Variants in FOXP1 observed in about 807,000 individuals in gnomAD.
FOXP1 encodes forkhead box P1, also known as forkhead box protein P1.
FOXP1 carries 15 observed loss-of-function variants against 98.2 expected under a neutral mutation model. The observed-to-expected ratio is 0.15, with a 90% CI of 0.10 to 0.24. FOXP1 has a LOEUF of 0.24. FOXP1 is among the 10% of genes least tolerant of loss of function. The pLI, the probability that FOXP1 is intolerant of heterozygous loss-of-function variation, is 1.00. For missense variants in FOXP1, 633 were observed against 848.5 expected, an observed-to-expected ratio of 0.75 and a Z score of 3.15; for synonymous variants, 371 against 314.5, an observed-to-expected ratio of 1.18 and a Z score of -1.90.
intron 7 of FOXP1, among the ~76,000 whole-genome samples, chr3:71,084,812 C>A (rs924237441): frequency 1.3e-5 from 2 of 152,098 alleles, no homozygotes; most frequent in Non-Finnish European, 2.9e-5. Flanking sequence ...GTGGGGGAAT[C>A]GCTGGAGCCC....
intron 7 of FOXP1, among the ~76,000 whole-genome samples, chr3:71,106,068 G>A (rs1325049730): frequency 6.6e-6 from 1 of 152,162 alleles, no homozygotes; most frequent in African/African-American, 2.4e-5. Context: ...TCCTGGTGCT[G>A]TTACTACCTT....
At chr3:71,509,156 A>G (rs777605575) in intron 2 of FOXP1, among the ~76,000 whole-genome samples, 15 of 152,240 alleles carry the variant, frequency 9.9e-5, no homozygotes, top group Non-Finnish European at 1.8e-4. Context: ...ATAGAGATGA[A>G]GCATGCCCTT....
At chr3:71,203,255 C>A (rs1381749188) in intron 5 of FOXP1, among the ~76,000 whole-genome samples, 2 of 152,146 alleles carry the variant, frequency 1.3e-5, no homozygotes, top group Non-Finnish European at 2.9e-5. Flanking sequence ...GTCAAAAAGC[C>A]TAAAGAAGCC....
At chr3:71,415,106 C>G (rs1388436544) in intron 3 of FOXP1, among the ~76,000 whole-genome samples, 1 of 152,192 alleles carries the variant, frequency 6.6e-6, no homozygotes, top group Non-Finnish European at 1.5e-5. Flanking sequence ...CTCCTCCACA[C>G]GGGCATTCTG....
chr3:71,552,085 T>C (rs1460301171), intron 2 of FOXP1, among the ~76,000 whole-genome samples: 2 of 152,110 alleles, frequency 1.3e-5, no homozygotes, highest in Non-Finnish European at 2.9e-5. Flanking sequence ...AAAATCCACC[T>C]TCAACAGAAT....
At chr3:71,373,978 T>C (rs1233148901) in intron 3 of FOXP1, among the ~76,000 whole-genome samples, 2 of 152,192 alleles carry the variant, frequency 1.3e-5, no homozygotes, top group African/African-American at 2.4e-5. Context: ...TACCTGTTAC[T>C]CTTGACAAGT....
intron 6 of FOXP1, among the ~76,000 whole-genome samples, chr3:71,135,479 G>A (rs926012370): frequency 7.9e-5 from 12 of 152,056 alleles, no homozygotes; most frequent in African/African-American, 1.2e-4. Context: ...AGTTCTAAGC[G>A]GTGAGTGCCT....
intron 5 of FOXP1, among the ~76,000 whole-genome samples, chr3:71,223,049 G>A (rs1397815438): frequency 6.6e-6 from 1 of 151,960 alleles, no homozygotes; most frequent in Non-Finnish European, 1.5e-5. Flanking sequence ...TCTTTCTCCT[G>A]AAATCCTCAA....
At chr3:71,303,515 T>C (rs1334375930) in intron 4 of FOXP1, among the ~76,000 whole-genome samples, 2 of 152,210 alleles carry the variant, frequency 1.3e-5, no homozygotes, top group African/African-American at 2.4e-5. Context: ...TCCAAGAGTT[T>C]GCTGCCTCTT....
At chr3:71,008,462 T>C (rs2043086389) in intron 12 of FOXP1, among the ~76,000 whole-genome samples, 1 of 152,172 alleles carries the variant, frequency 6.6e-6, no homozygotes, top group Non-Finnish European at 1.5e-5. Flanking sequence ...GTTTTTCTGT[T>C]ATCGGAGGAT....
intron 6 of FOXP1, among the ~76,000 whole-genome samples, chr3:71,177,260 C>T (rs1004232859): frequency 5.9e-5 from 9 of 152,074 alleles, no homozygotes; most frequent in East Asian, 1.9e-4. Context: ...AGTTACAAGG[C>T]GCAGTTGCTT....
At chr3:71,113,381 G>A (rs1216493460) in intron 6 of FOXP1, among the ~76,000 whole-genome samples, 2 of 152,258 alleles carry the variant, frequency 1.3e-5, no homozygotes, top group South Asian at 2.1e-4. Context: ...GATAAAGCAG[G>A]AAGAAAACAG....
Position 71,421,619 on chromosome 3 carries a change from C to T in FOXP1, c.-167-62375G>A, listed in dbSNP as rs185490911. 2.9e-3 allele frequency among the ~76,000 whole-genome samples: 438 copies of T among 152,072 alleles called. 2 individuals carry two copies. The highest frequency in any genetic ancestry group is 0.01 in the African/African-American group (423 of 41,460). On this transcript the variant is annotated intron_variant, in intron 3 of 20. Coordinates refer to ENST00000649528, the MANE Select transcript of FOXP1 (RefSeq NM_001349338.3). Reference sequence around the variant, plus strand: ...CAATATGCAAACATCAGAACCCAGCCGACTCAGGACAGAGACACCTGCGTA... The same window carrying T: ...CAATATGCAAACATCAGAACCCAGCTGACTCAGGACAGAGACACCTGCGTA...
chr3:70,967,696 T>G lies in FOXP1; in HGVS notation c.1723-1640A>C, dbSNP rs550346202. ...AGAACTACTATTATTTGTTTTTTTT[T>G]TTTGTTTTTTTTTGTTTTTTTTTTT... On this transcript the variant is annotated intron_variant, in intron 19 of 20. Transcript: ENST00000649528. 2.6e-3 allele frequency among the ~76,000 whole-genome samples: 268 copies of G among 104,984 alleles called. 3 individuals are homozygous for G. Among genetic ancestry groups the G allele is most frequent in the African/African-American group, 6.2e-3 (128 of 20,486 alleles). The allele number at this position is 104,984 out of a possible 152,430, so 68.9% of individuals were successfully genotyped here. A position where few individuals can be genotyped will look rare whatever the true frequency, so the allele number is the denominator to read the frequency against.
At chr3:71,260,874 C>T (rs938150830) in intron 5 of FOXP1, among the ~76,000 whole-genome samples, 3 of 151,960 alleles carry the variant, frequency 2.0e-5, no homozygotes, top group African/African-American at 2.4e-5. Context: ...CAGAGGTCTC[C>T]GAGACCAAAA....
At chr3:71,151,228 C>T (rs77439223) in intron 6 of FOXP1, among the ~76,000 whole-genome samples, 3,117 of 152,266 alleles carry the variant, frequency 0.02, 123 homozygotes, top group African/African-American at 0.071. Context: ...CAAGTTCTTG[C>T]AAGGTACACG....
At chr3:71,556,076 G>A (rs141610382) in intron 2 of FOXP1, among the ~76,000 whole-genome samples, 101 of 152,024 alleles carry the variant, frequency 6.6e-4, no homozygotes, top group Non-Finnish European at 2.8e-4. Context: ...GTAATTTTCC[G>A]CAAACACACT....
chr3:70,993,164 T>G (rs1334578813), intron 13 of FOXP1, among the ~76,000 whole-genome samples: 2 of 152,268 alleles, frequency 1.3e-5, no homozygotes, highest in African/African-American at 4.8e-5. Context: ...TGTCTCCCTC[T>G]GCTACTGAAA....
intron 20 of FOXP1, among the ~76,000 whole-genome samples, chr3:70,961,847 G>C (rs550662210): frequency 6.6e-6 from 1 of 152,210 alleles, no homozygotes; most frequent in Non-Finnish European, 1.5e-5. Context: ...GATCACTTGA[G>C]CCCAGGAGTT....
Sources: gnomAD v4.1 joint callset for allele counts (sites outside exome capture counted in the v4.1 genomes callset) on GRCh38, gnomAD v4.1.1 for gene constraint, MANE v1.5 for transcripts, NCBI Gene and HGNC (gene_info 2026-07-23, HGNC 2026-07-21) for gene names.